Variants in SLC2A9 observed in about 807,000 individuals in gnomAD.
SLC2A9 encodes solute carrier family 2, facilitated glucose transporter member 9.
Under a neutral mutation model 50.6 loss-of-function variants are expected in SLC2A9, and 39 were observed. That is an observed-to-expected ratio of 0.77 (90% CI 0.60 to 1.01). The LOEUF (loss-of-function observed/expected upper bound fraction) is 1.01. Ranked by LOEUF, SLC2A9 falls within the 50% of genes least tolerant of loss-of-function variation. The pLI, the probability that SLC2A9 is intolerant of heterozygous loss-of-function variation, is 0.00. For missense variants in SLC2A9, 686 were observed against 677.6 expected (o/e 1.01, Z -0.14); for synonymous variants, 324 against 276.9 (o/e 1.17, Z -1.69).
chr4:9,894,605 C>A (rs1478588189), intron 8 of SLC2A9, among the ~76,000 whole-genome samples: 1 of 152,130 alleles, frequency 6.6e-6, no homozygotes, highest in Non-Finnish European at 1.5e-5. Context: ...TTTCCAATAC[C>A]CATACTGGCA....
chr4:9,974,914 C>A (rs1028350047), intron 5 of SLC2A9, among the ~76,000 whole-genome samples: 1 of 152,100 alleles, frequency 6.6e-6, no homozygotes, highest in African/African-American at 2.4e-5. Flanking sequence ...GACACATAGA[C>A]AAATGAAACA....
rs1366314537 is a variant in SLC2A9, at chr4:9,950,702, G to A, written c.682-8657C>T. On this transcript the variant is annotated intron_variant, in intron 5 of 11. Transcript: ENST00000264784. ...GTATGGAGAGATCGAGACCATCCTG[G>A]CTAACACGGTGAAACCCTGTCTCTA... 2.1e-4 allele frequency among the ~76,000 whole-genome samples: 10 copies of A among 46,958 alleles called. 2 individuals are homozygous for A. The highest frequency in any genetic ancestry group is 3.0e-4 in the Non-Finnish European group (8 of 26,374). The allele number at this position is 46,958 out of a possible 152,430, so 30.8% of individuals were successfully genotyped here.
Position 9,996,794 on chromosome 4 carries a change from T to G in SLC2A9, c.397A>C (p.Lys133Gln). 1 of 1,613,852 alleles carries G rather than the reference T, an allele frequency of 6.2e-7. No homozygotes were observed. Among genetic ancestry groups the G allele is most frequent in the Non-Finnish European group, 8.5e-7 (1 of 1,179,844 alleles). ...CCTCCTACTGACCTCCCAAGAACCT[T>G]TCCAATCATCTTCACAATTAACGTC... ...VGTLIVKMIG[K>Q]VLGRKHTLLA... Residue 133 changes from lysine (K) to glutamine (Q), a missense_variant, in exon 3 of 12, where the codon AAG becomes CAG. Transcript: ENST00000264784.
Position 9,952,596 on chromosome 4 carries a change from C to T in SLC2A9, c.682-10551G>A, listed in dbSNP as rs796415213. 7.9e-5 allele frequency among the ~76,000 whole-genome samples: 12 copies of T among 151,688 alleles called. No individual in the cohort carries two copies. The East Asian group carries it at 1.4e-3, about 17-fold the overall frequency. ...TCTCCCAGGCTGTAGTGCAGTGACG[C>T]AATCTCAGCTCACTGCATCCCCAAC... On this transcript the variant is annotated intron_variant, in intron 5 of 11. Transcript: ENST00000264784.
intron 5 of SLC2A9, among the ~76,000 whole-genome samples, chr4:9,958,785 C>T (rs530667321): frequency 1.3e-5 from 2 of 152,266 alleles, no homozygotes; most frequent in South Asian, 4.1e-4. Flanking sequence ...ACGAAAGCAA[C>T]AGGCTAGAGG....
chr4:9,855,665 A>G (rs925974926), intron 10 of SLC2A9, among the ~76,000 whole-genome samples: 6 of 152,196 alleles, frequency 3.9e-5, no homozygotes, highest in African/African-American at 1.4e-4. Context: ...CCAGATCCTA[A>G]GCAAAAAGAA....
intron 10 of SLC2A9, among the ~76,000 whole-genome samples, chr4:9,839,999 T>C (rs2109202787): frequency 6.6e-6 from 1 of 152,266 alleles, no homozygotes; most frequent in Middle Eastern, 3.4e-3. Context: ...AAAAGCACTT[T>C]ACATATATTA....
chr4:9,799,577 G>A (rs1389021071), intron 3 of SLC2A9, among the ~76,000 whole-genome samples: 33 of 151,926 alleles, frequency 2.2e-4, no homozygotes, highest in African/African-American at 7.7e-4. Flanking sequence ...AATTTGGAGA[G>A]ACACAGACAT....
chr4:9,879,197 G>C (rs890668967), intron 10 of SLC2A9: 1 of 985,204 alleles, frequency 1.0e-6, no homozygotes, highest in Non-Finnish European at 1.2e-6. Context: ...AATCTAGGGG[G>C]CTGTGGGAGC....
chr4:9,785,212 TG>T (rs1389355870), intron 3 of SLC2A9, among the ~76,000 whole-genome samples: 3 of 152,202 alleles, frequency 2.0e-5, no homozygotes. Flanking sequence ...ATTTTCTGTC[TG>T]TGTCTGTAAA....
intron 1 of SLC2A9, chr4:10,019,350 A>G: frequency 1.9e-6 from 1 of 537,190 alleles, no homozygotes; most frequent in African/African-American, 1.9e-5. Flanking sequence ...AGTTTTCAGC[A>G]GCTGCTCTGG....
chr4:9,890,569 C>T (rs1737191685), intron 9 of SLC2A9, 41 bp downstream of exon 9: 1 of 1,588,522 alleles, frequency 6.3e-7, no homozygotes, highest in Non-Finnish European at 8.6e-7. Context: ...AAGTCAGCTC[C>T]ATGCTTATCT....
chr4:9,778,457 G>C (rs1438914928), downstream of SLC2A9, among the ~76,000 whole-genome samples: 1 of 152,034 alleles, frequency 6.6e-6, no homozygotes, highest in Non-Finnish European at 1.5e-5. Flanking sequence ...AAGTCAGCAG[G>C]GATTGTTCTC....
intron 11 of SLC2A9, among the ~76,000 whole-genome samples, chr4:9,830,845 G>A (rs1443104668): frequency 1.3e-5 from 2 of 152,210 alleles, no homozygotes; most frequent in Non-Finnish European, 2.9e-5. Context: ...GAGCCAGAGT[G>A]TGGAGGTGAG....
chr4:9,988,465 A>G (rs1481608845), intron 3 of SLC2A9, among the ~76,000 whole-genome samples: 1 of 152,260 alleles, frequency 6.6e-6, no homozygotes, highest in Non-Finnish European at 1.5e-5. Context: ...ATATTAATAT[A>G]TTCCTTCCCA....
At chr4:9,803,257 A>G (rs968284898) in intron 3 of SLC2A9, among the ~76,000 whole-genome samples, 1 of 152,238 alleles carries the variant, frequency 6.6e-6, no homozygotes, top group African/African-American at 2.4e-5. Flanking sequence ...AACAGCCTGA[A>G]CACAATATGA....
At chr4:9,948,768 C>A (rs1355651521) in intron 5 of SLC2A9, among the ~76,000 whole-genome samples, 1 of 152,214 alleles carries the variant, frequency 6.6e-6, no homozygotes, top group African/African-American at 2.4e-5. Context: ...GAATCCTGGT[C>A]CCATCTCTTC....
At chr4:9,840,889 C>T (rs1273770070) in intron 10 of SLC2A9, among the ~76,000 whole-genome samples, 1 of 145,950 alleles carries the variant, frequency 6.9e-6, no homozygotes, top group Non-Finnish European at 1.5e-5. Flanking sequence ...AAAGGGGAAG[C>T]AAGACACGTC....
intron 2 of SLC2A9, among the ~76,000 whole-genome samples, chr4:10,009,300 G>A (rs1274983428): frequency 2.0e-5 from 3 of 152,166 alleles, no homozygotes; most frequent in African/African-American, 7.2e-5. Flanking sequence ...TGCTAAGATG[G>A]CATTATGGGG....
Sources: gnomAD v4.1 joint callset for allele counts (sites outside exome capture counted in the v4.1 genomes callset) on GRCh38, gnomAD v4.1.1 for gene constraint, MANE v1.5 for transcripts, NCBI Gene and HGNC (gene_info 2026-07-23, HGNC 2026-07-21) for gene names.